The following GRIA4 variants were observed in gnomAD, a reference collection of about 807,000 sequenced individuals.
GRIA4 encodes the protein glutamate receptor 4.
GRIA4 carries 34 observed loss-of-function variants against 104.0 expected under a neutral mutation model. The ratio of observed to expected loss-of-function variants is 0.33; its 90% CI spans 0.25 to 0.44. GRIA4 has a LOEUF of 0.44. Among genes scored for constraint, GRIA4 ranks in the 20% least tolerant of loss-of-function variants. The pLI, the probability that GRIA4 is intolerant of heterozygous loss-of-function variation, is 1.00. For missense variants in GRIA4, 750 were observed against 1,096.5 expected (o/e 0.68, Z 4.46); for synonymous variants, 386 against 381.9 (o/e 1.01, Z -0.13).
At chr11:105,710,793 A>C (rs946493208) in intron 3 of GRIA4, among the ~76,000 whole-genome samples, 1 of 152,176 alleles carries the variant, frequency 6.6e-6, no homozygotes, top group Non-Finnish European at 1.5e-5. Flanking sequence ...AAATTAACTG[A>C]AATAGTTGCA....
intron 5 of GRIA4, among the ~76,000 whole-genome samples, chr11:105,864,894 T>C (rs1292990564): frequency 2.0e-5 from 3 of 152,094 alleles, no homozygotes; most frequent in East Asian, 1.9e-4. Context: ...TCTAGAAGGA[T>C]GGGCACATTT....
At chr11:105,711,508 T>C (rs556661609) in intron 3 of GRIA4, among the ~76,000 whole-genome samples, 16 of 152,256 alleles carry the variant, frequency 1.1e-4, no homozygotes, top group Admixed American at 8.5e-4. Context: ...AAATGTTTGC[T>C]CTGATTATAG....
At chr11:105,652,368 T>C (rs1170084837) in intron 3 of GRIA4, among the ~76,000 whole-genome samples, 1 of 152,200 alleles carries the variant, frequency 6.6e-6, no homozygotes, top group African/African-American at 2.4e-5. Flanking sequence ...GCTTTTTATC[T>C]AAACTGACTC....
chr11:105,974,431 C>T lies in GRIA4; in HGVS notation c.2531C>T (p.Ala844Val), dbSNP rs978598347. ...IEFCYKSRAE[A>V]KRMKLTFSEA... The stretch of plus-strand genomic sequence containing the variant: ...TTCTGTTACAAGTCCAGGGCAGAAG[C>T]GAAGAGAATGAAGGTGGCAAAGAGT... The change falls in exon 16 of 17, where the codon GCG becomes GTG. Residue 844 changes from alanine (A) to valine (V), a missense_variant. By Grantham distance (64) the Ala-to-Val change is moderately conservative. Transcript: ENST00000282499. The T allele has an allele frequency of 5.6e-6, 9 of 1,613,762 alleles. No homozygotes were observed. The highest frequency in any genetic ancestry group is 1.7e-5 in the Admixed American group (1 of 59,980).
chr11:105,892,275 C>G lies in GRIA4; in HGVS notation c.726+4703C>G, dbSNP rs73542817. 2.0e-3 allele frequency among the ~76,000 whole-genome samples: 307 copies of G among 152,240 alleles called. 2 individuals are homozygous for G. Among genetic ancestry groups the G allele is most frequent in the African/African-American group, 7.0e-3 (291 of 41,562 alleles). ...TATGGCCACCAATAGCAAAAAGGAA[C>G]AGTTGACATTTGTCCCATTACCAAG... On this transcript the variant is annotated intron_variant, in intron 6 of 16. Transcript: ENST00000282499.
chr11:105,929,596 C>T (rs1054087663), intron 13 of GRIA4, among the ~76,000 whole-genome samples: 6 of 152,112 alleles, frequency 3.9e-5, no homozygotes, highest in African/African-American at 1.4e-4. Flanking sequence ...TTATCCTGTG[C>T]CTGTCTCAGT....
At chr11:105,727,142 A>T (rs899754809) in intron 3 of GRIA4, among the ~76,000 whole-genome samples, 1 of 152,018 alleles carries the variant, frequency 6.6e-6, no homozygotes, top group African/African-American at 2.4e-5. Context: ...ACTTGGAAAA[A>T]AGGTTAGAGG....
At chr11:105,613,078 T>A (rs774842364) in intron 3 of GRIA4, 8 of 152,254 alleles carry the variant, frequency 5.3e-5, no homozygotes, top group Non-Finnish European at 8.8e-5. Context: ...CTTACCTCGA[T>A]GCCAAATCAC....
intron 4 of GRIA4, among the ~76,000 whole-genome samples, chr11:105,774,286 A>T (rs1054073165): frequency 6.6e-6 from 1 of 151,752 alleles, no homozygotes; most frequent in Non-Finnish European, 1.5e-5. Flanking sequence ...AAACCAAAAT[A>T]GCACTTTAAA....
intron 4 of GRIA4, among the ~76,000 whole-genome samples, chr11:105,795,454 G>C (rs1455498356): frequency 6.6e-6 from 1 of 152,104 alleles, no homozygotes; most frequent in Non-Finnish European, 1.5e-5. Context: ...AGAAACTGAA[G>C]GAAGTTTATT....
chr11:105,796,556 T>G (rs1019263738), intron 4 of GRIA4, among the ~76,000 whole-genome samples: 2 of 152,188 alleles, frequency 1.3e-5, no homozygotes, highest in Non-Finnish European at 2.9e-5. Flanking sequence ...GTAGGATGAT[T>G]GCCATCAGTG....
In GRIA4 at chr11:105,755,540, C is replaced by T. The variant is rs964835930; in HGVS notation, c.487+2320C>T. Among the ~76,000 whole-genome samples, 7 of 152,162 alleles carry T rather than the reference C, an allele frequency of 4.6e-5. No homozygotes were observed. In the East Asian group the frequency reaches 1.2e-3, roughly 25 times the overall value. On this transcript the variant is annotated intron_variant, in intron 4 of 16. Transcript: ENST00000282499. Reference sequence around the variant, plus strand: ...AACATGATTTCAGGCTCACTGGGAACGTCCGTCCTTTTCTTTTACCAGATA... The same window carrying T: ...AACATGATTTCAGGCTCACTGGGAATGTCCGTCCTTTTCTTTTACCAGATA...
intron 4 of GRIA4, among the ~76,000 whole-genome samples, chr11:105,783,471 T>C (rs1941816993): frequency 6.6e-6 from 1 of 152,176 alleles, no homozygotes; most frequent in Non-Finnish European, 1.5e-5. Context: ...AATTCTGAAT[T>C]CCTTTCAGAG....
chr11:105,887,490 T>C (rs762439481), intron 5 of GRIA4, 29 bp from the exon 6 acceptor site: 41 of 985,248 alleles, frequency 4.2e-5, no homozygotes, highest in Non-Finnish European at 6.2e-5. Context: ...TTAAAATTGA[T>C]TTTCTCTTAT....
chr11:105,976,117 G>A (rs1156763871), intron 16 of GRIA4, among the ~76,000 whole-genome samples: 1 of 151,910 alleles, frequency 6.6e-6, no homozygotes, highest in East Asian at 1.9e-4. Context: ...TACTTGATTA[G>A]TTTTCAGAGC....
chr11:105,829,179 A>G (rs959276889), intron 4 of GRIA4, among the ~76,000 whole-genome samples: 1 of 151,938 alleles, frequency 6.6e-6, no homozygotes. Context: ...AATGAGGCTC[A>G]TTAAGACTTA....
intron 9 of GRIA4, among the ~76,000 whole-genome samples, chr11:105,908,956 CAT>C (rs1203434205): frequency 6.6e-6 from 1 of 152,036 alleles, no homozygotes; most frequent in Non-Finnish European, 1.5e-5. Flanking sequence ...CTTAAGTACA[CAT>C]AAGAATTGAG....
At position 105,726,258 on chromosome 11, in the gene GRIA4, T is replaced by C. The variant is rs992797169; in HGVS notation, c.248-26723T>C. Among the ~76,000 whole-genome samples, 6 of 151,994 alleles carry C rather than the reference T, an allele frequency of 3.9e-5. 1 individual carries two copies. The South Asian group carries it at 8.3e-4, about 21-fold the overall frequency. Reference sequence around the variant, plus strand: ...TGAGTAGGTGGTTTTCCCCTCATAGTATAAACAAACCCTCTGGGAAGTACA... The same window carrying C: ...TGAGTAGGTGGTTTTCCCCTCATAGCATAAACAAACCCTCTGGGAAGTACA... On this transcript the variant is annotated intron_variant, in intron 3 of 16. Transcript: ENST00000282499.
intron 4 of GRIA4, among the ~76,000 whole-genome samples, chr11:105,857,536 T>C (rs969070915): frequency 6.6e-6 from 1 of 152,124 alleles, no homozygotes; most frequent in African/African-American, 2.4e-5. Flanking sequence ...ATAATCTAGA[T>C]GTTTCTCTAT....
Sources: gnomAD v4.1 joint callset for allele counts (sites outside exome capture counted in the v4.1 genomes callset) on GRCh38, gnomAD v4.1.1 for gene constraint, MANE v1.5 for transcripts, NCBI Gene and HGNC (gene_info 2026-07-23, HGNC 2026-07-21) for gene names.